LRPAP1: variants seen among roughly 807,000 people sequenced by gnomAD.
The protein encoded by LRPAP1 is alpha-2-macroglobulin receptor-associated protein.
Under a neutral mutation model 39.9 loss-of-function variants are expected in LRPAP1, and 41 were observed. The observed-to-expected ratio is 1.03, with a 90% confidence interval of 0.80 to 1.33. The LOEUF (loss-of-function observed/expected upper bound fraction) is 1.33, where lower values mean the gene tolerates loss of function less well. Among genes scored for constraint, LRPAP1 ranks in the 40% most tolerant of loss-of-function variants. The probability of loss-of-function intolerance (pLI) is 0.00; values close to 1 mark genes in which losing one functional copy is unlikely to be tolerated. For missense variants in LRPAP1, 565 were observed against 482.3 expected, an observed-to-expected ratio of 1.17 and a Z score of -1.61; for synonymous variants, 263 against 212.7, an observed-to-expected ratio of 1.24 and a Z score of -2.06.
At chr4:3,516,461 G>A (rs577668458) in intron 5 of LRPAP1, among the ~76,000 whole-genome samples, 2 of 136,882 alleles carry the variant, frequency 1.5e-5, no homozygotes, top group Non-Finnish European at 3.2e-5. Flanking sequence ...AGAAACACCT[G>A]CCTCCATCAG....
At chr4:3,514,251 C>A (rs565606685) in intron 7 of LRPAP1, among the ~76,000 whole-genome samples, 1 of 152,268 alleles carries the variant, frequency 6.6e-6, no homozygotes, top group Non-Finnish European at 1.5e-5. Flanking sequence ...TTAAAAGGCA[C>A]AGATGGGGCT....
chr4:3,518,966 C>A lies in LRPAP1; in HGVS notation c.497G>T (p.Gly166Val). ...HKAKTSGKFS[G>V]EELDKLWREF... The stretch of plus-strand genomic sequence containing the variant: ...CCGCCAGAGCTTGTCCAGTTCTTCG[C>A]CGGAGAATTTCCCAGAGGTCTTCGC... Residue 166 changes from glycine to valine, a missense_variant, in exon 4 of 8, where the codon GGC becomes GTC. By Grantham distance (109) the Gly-to-Val change is moderately radical. Transcript: ENST00000650182. 1.9e-6 allele frequency: 3 copies of A among 1,614,064 alleles called. No homozygotes were observed. The highest frequency in any genetic ancestry group is 2.5e-6 in the Non-Finnish European group (3 of 1,179,978).
intron 1 of LRPAP1, among the ~76,000 whole-genome samples, chr4:3,526,936 G>A (rs899119690): frequency 6.6e-6 from 1 of 152,200 alleles, no homozygotes; most frequent in East Asian, 1.9e-4. Flanking sequence ...AGTTAGGGAT[G>A]AATTCAGATT....
intron 7 of LRPAP1, 135 bp downstream of exon 7, chr4:3,514,617 G>A: frequency 8.5e-7 from 1 of 1,174,990 alleles, no homozygotes; most frequent in Non-Finnish European, 1.2e-6. Flanking sequence ...TGTGGCCCTG[G>A]GGTTCAACTC....
intron 6 of LRPAP1, 77 bp downstream of exon 6, chr4:3,516,039 G>A: frequency 7.3e-7 from 1 of 1,360,894 alleles, no homozygotes; most frequent in Non-Finnish European, 1.0e-6. Context: ...GGAGAGGGCT[G>A]CATTTCCTTA....
At chr4:3,519,045 G>A (rs979605481) in intron 3 of LRPAP1, 54 bp from the exon 4 acceptor site, 3 of 1,591,748 alleles carry the variant, frequency 1.9e-6, no homozygotes, top group Non-Finnish European at 2.6e-6. Context: ...TGTGGCCAGG[G>A]CCGCTCTTCA....
rs560048193 is a variant in LRPAP1, at chr4:3,518,402, G to A, written c.593-210C>T. Among the ~76,000 whole-genome samples, 332 of 152,336 alleles carry A rather than the reference G, an allele frequency of 2.2e-3. 1 individual carries two copies. Among genetic ancestry groups the A allele is most frequent in the African/African-American group, 7.8e-3 (323 of 41,578 alleles). On this transcript the variant is annotated intron_variant, in intron 4 of 7. Coordinates refer to ENST00000650182, the MANE Select transcript of LRPAP1 (RefSeq NM_002337.4). ...AGACAGGCGAGACGCCGGGACACGCGCACCAAGTGGCGCCTGGCGGTGACA... is the reference window on the plus strand; with the variant it reads ...AGACAGGCGAGACGCCGGGACACGCACACCAAGTGGCGCCTGGCGGTGACA...
Position 3,505,842 on chromosome 4 carries a change from G to A in LRPAP1, c.*7132C>T, listed in dbSNP as rs1729338702. 6.6e-6 allele frequency among the ~76,000 whole-genome samples: 1 copy of A among 152,234 alleles called. No homozygotes were observed. Among genetic ancestry groups the A allele is most frequent in the East Asian group, 1.9e-4 (1 of 5,188 alleles). ...CTGGAAGCCATCAAGTTCCTGGGTA[G>A]AGATGACCTTTCAGATGGATGCTGA... On this transcript the variant is annotated 3_prime_UTR_variant, in exon 8 of 8. Transcript: ENST00000650182.
chr4:3,525,211 G>C, intron 1 of LRPAP1, 160 bp from the exon 2 acceptor site: 1 of 743,644 alleles, frequency 1.3e-6, no homozygotes, highest in Non-Finnish European at 2.3e-6. Flanking sequence ...CACAGGTTTA[G>C]ACAAGAACTC....
rs1729366615 is a variant in LRPAP1 at position 3,506,697 on chromosome 4, T to C, written c.*6277A>G. 1 of 152,132 alleles carries C rather than the reference T, an allele frequency of 6.6e-6. No homozygotes were observed. Among genetic ancestry groups the C allele is most frequent in the Non-Finnish European group, 1.5e-5 (1 of 68,030 alleles). The allele number at this position is 152,132 out of a possible 1,614,324, so 9.4% of individuals were successfully genotyped here. On this transcript the variant is annotated 3_prime_UTR_variant, in exon 8 of 8. Transcript: ENST00000650182. ...GGCTCGAGCTGTTTTTAAGAGGATA[T>C]ATCCTGGTTTGCTGCTGTGTAGTTT... is the stretch of plus-strand genomic sequence containing the variant.
chr4:3,532,359 C>CAGT lies in LRPAP1; in HGVS notation c.51_53dup (p.Leu21dup). On this transcript the variant is annotated inframe_insertion, in exon 1 of 8. Transcript: ENST00000650182. ...GCCAGGGCCCGAGGAAGAGCAGCAG[C>CAGT]AGTAGCAGCGCCGGGAGCCCGCGCA... 1 of 1,594,536 alleles carries CAGT rather than the reference C, an allele frequency of 6.3e-7. No homozygotes were observed. The highest frequency in any genetic ancestry group is 1.1e-5 in the South Asian group (1 of 88,356).
chr4:3,531,290 T>A (rs998185980), intron 1 of LRPAP1, among the ~76,000 whole-genome samples: 2 of 152,124 alleles, frequency 1.3e-5, no homozygotes, highest in African/African-American at 4.8e-5. Context: ...CCCCACCTGT[T>A]TCTCCTCTCC....
chr4:3,514,777 C>T lies in LRPAP1; in HGVS notation c.986G>A (p.Gly329Glu). The part of the protein sequence containing the change: ...RSREKHALLE[G>E]RTKELGYTVK... Reference sequence around the variant, plus strand: ...CGTGTAGCCCAGCTCCTTGGTCCGCCCCTCCAGCAGGGCGTGCTTCTCGCG... The same window carrying T: ...CGTGTAGCCCAGCTCCTTGGTCCGCTCCTCCAGCAGGGCGTGCTTCTCGCG... Residue 329 changes from glycine to glutamate, a missense_variant, in exon 7 of 8, where the codon GGG becomes GAG. Coordinates refer to ENST00000650182, the MANE Select transcript of LRPAP1 (RefSeq NM_002337.4). 6.2e-7 allele frequency: 1 copy of T among 1,611,248 alleles called. No homozygotes were observed. Among genetic ancestry groups the T allele is most frequent in the Non-Finnish European group, 8.5e-7 (1 of 1,179,392 alleles).
At chr4:3,529,196 G>A (rs954897937) in intron 1 of LRPAP1, among the ~76,000 whole-genome samples, 4 of 151,994 alleles carry the variant, frequency 2.6e-5, no homozygotes, top group African/African-American at 9.7e-5. Flanking sequence ...GGTGGTGCAT[G>A]CCTGTAATCC....
intron 6 of LRPAP1, 55 bp downstream of exon 6, chr4:3,516,061 C>G: frequency 6.6e-7 from 1 of 1,510,064 alleles, no homozygotes; most frequent in South Asian, 1.2e-5. Flanking sequence ...CCGGAAACTG[C>G]AAGAGAATCT....
intron 2 of LRPAP1, among the ~76,000 whole-genome samples, chr4:3,523,254 T>C (rs981336105): frequency 6.6e-6 from 1 of 152,128 alleles, no homozygotes; most frequent in Non-Finnish European, 1.5e-5. Context: ...AGCCAGTCCC[T>C]TCTTCCTGGG....
chr4:3,519,722 C>T (rs1414223689), intron 3 of LRPAP1, among the ~76,000 whole-genome samples: 6 of 152,198 alleles, frequency 3.9e-5, no homozygotes, highest in Admixed American at 1.3e-4. Context: ...CACAGAGGCA[C>T]GTCCACGGCA....
At chr4:3,525,589 G>A (rs1730056889) in intron 1 of LRPAP1, among the ~76,000 whole-genome samples, 1 of 152,134 alleles carries the variant, frequency 6.6e-6, no homozygotes, top group Admixed American at 6.5e-5. Context: ...AGATCCTTCT[G>A]GAGCAGGAAT....
chr4:3,528,760 T>C (rs1295847598), intron 1 of LRPAP1, among the ~76,000 whole-genome samples: 1 of 152,134 alleles, frequency 6.6e-6, no homozygotes, highest in Non-Finnish European at 1.5e-5. Flanking sequence ...CCCCAGCTCC[T>C]TCCACCTGAG....
Sources: allele counts gnomAD v4.1 joint callset (sites outside exome capture counted in the v4.1 genomes callset), GRCh38; gene constraint gnomAD v4.1.1; transcripts MANE v1.5; gene names NCBI Gene and HGNC (gene_info 2026-07-23, HGNC 2026-07-21).